The following AATK variants were observed in gnomAD, a reference collection of about 807,000 sequenced individuals.
AATK encodes the protein serine/threonine-protein kinase LMTK1.
In AATK, 91 loss-of-function variants were observed where a neutral mutation model predicts 114.3. The observed-to-expected ratio is 0.80, with a 90% CI of 0.67 to 0.95. The LOEUF is 0.95. AATK is among the 40% of genes least tolerant of loss of function. The pLI is 0.00. For synonymous variants in AATK, 1,075 were observed against 916.5 expected, an observed-to-expected ratio of 1.17 and a Z score of -3.12; for missense variants, 2,176 against 1,965.2, an observed-to-expected ratio of 1.11 and a Z score of -2.03.
At chr17:81,137,419 C>T (rs1245843055) in intron 1 of AATK, among the ~76,000 whole-genome samples, 2 of 152,096 alleles carry the variant, frequency 1.3e-5, no homozygotes, top group African/African-American at 2.4e-5. Context: ...CACAGTCTCT[C>T]GGCCGCAGGC....
At chr17:81,125,666 T>C (rs2060803983) in intron 7 of AATK, among the ~76,000 whole-genome samples, 1 of 152,076 alleles carries the variant, frequency 6.6e-6, no homozygotes, top group Non-Finnish European at 1.5e-5. Flanking sequence ...ACTGGGTAGA[T>C]ATTACCACAG....
At chr17:81,139,825 A>G (rs973115982) in intron 1 of AATK, among the ~76,000 whole-genome samples, 1 of 152,138 alleles carries the variant, frequency 6.6e-6, no homozygotes. Context: ...CCTGCAGTGG[A>G]TACACCGTGA....
At chr17:81,127,753 G>A (rs774110346) in intron 5 of AATK, 39 bp downstream of exon 5, 17 of 1,503,628 alleles carry the variant, frequency 1.1e-5, no homozygotes, top group South Asian at 7.2e-5. Flanking sequence ...AGAGGAGGGG[G>A]CCGCACAGCA....
chr17:81,144,023 G>A (rs1463422148), intron 1 of AATK, among the ~76,000 whole-genome samples: 3 of 151,366 alleles, frequency 2.0e-5, no homozygotes. Context: ...GCAGGGACGG[G>A]TGGCCAGGGT....
chr17:81,138,910 C>T (rs150732412), intron 1 of AATK, among the ~76,000 whole-genome samples: 37 of 151,962 alleles, frequency 2.4e-4, no homozygotes, highest in African/African-American at 8.5e-4. Context: ...ACCACACATG[C>T]GTAGACAGAT....
intron 9 of AATK, among the ~76,000 whole-genome samples, 168 bp downstream of exon 9, chr17:81,124,559 C>T (rs2060768400): frequency 6.6e-6 from 1 of 152,220 alleles, no homozygotes; most frequent in South Asian, 2.1e-4. Flanking sequence ...GTGGTATCTC[C>T]CCCGGTGTGG....
chr17:81,165,924 C>T lies in AATK; in HGVS notation c.55+14G>A, dbSNP rs774305501. On this transcript the variant is annotated intron_variant, in intron 1 of 13. Transcript: ENST00000326724. ...GGAGGCAGCGGCGCGCAGGCCGGGC[C>T]GCCAGGGACTCACCGGGGTCGAAGT... The T allele has an allele frequency of 2.3e-5, 36 of 1,573,874 alleles. No individual in the cohort carries two copies. Among genetic ancestry groups the T allele is most frequent in the Non-Finnish European group, 3.0e-5 (35 of 1,161,464 alleles).
rs964320988 is a variant in AATK at position 81,117,379 on chromosome 17, A to C, written c.*1023T>G. Reference sequence around the variant, plus strand: ...GCGTTCTAAGCCTCAAACAAAACACAAAACAAATCCCCCTGCGAAGCAACA... The same window carrying C: ...GCGTTCTAAGCCTCAAACAAAACACCAAACAAATCCCCCTGCGAAGCAACA... On this transcript the variant is annotated 3_prime_UTR_variant, in exon 14 of 14. Transcript: ENST00000326724. The C allele has an allele frequency of 2.0e-5, 3 of 152,316 alleles. No individual in the cohort carries two copies. Among genetic ancestry groups the C allele is most frequent in the Non-Finnish European group, 4.4e-5 (3 of 68,062 alleles). 9.4% of individuals were successfully genotyped at this position (152,316 alleles called of 1,614,324 possible). A position where few individuals can be genotyped will look rare whatever the true frequency, so the allele number is the denominator to read the frequency against.
At position 81,127,766 on chromosome 17, in the gene AATK, G is replaced by T. The variant is rs202058790; in HGVS notation, c.533+26C>A. 90 of 1,501,646 alleles carry T rather than the reference G, an allele frequency of 6.0e-5. No individual in the cohort carries two copies. The East Asian group carries it at 2.1e-3, about 36-fold the overall frequency. 93.0% of individuals were successfully genotyped at this position (1,501,646 alleles called of 1,614,324 possible). ...GGAGAGGAGGGGGCCGCACAGCACAGGCCTTTGTGCCCGGTGGCCTCCCAC... is the reference window on the plus strand; with the variant it reads ...GGAGAGGAGGGGGCCGCACAGCACATGCCTTTGTGCCCGGTGGCCTCCCAC... On this transcript the variant is annotated intron_variant, in intron 5 of 13. Coordinates refer to ENST00000326724, the MANE Select transcript of AATK (RefSeq NM_001080395.3).
chr17:81,142,106 C>T (rs1045816517), intron 1 of AATK, among the ~76,000 whole-genome samples: 4 of 152,006 alleles, frequency 2.6e-5, no homozygotes, highest in Non-Finnish European at 4.4e-5. Flanking sequence ...CAGGCACCTG[C>T]CACCATCACC....
Position 81,119,962 on chromosome 17 carries a change from G to A in AATK, c.3857C>T (p.Ser1286Phe), listed in dbSNP as rs1473188124. 2 of 1,450,040 alleles carry A rather than the reference G, an allele frequency of 1.4e-6. No homozygotes were observed. The highest frequency in any genetic ancestry group is 1.5e-5 in the African/African-American group (1 of 67,886). The allele number at this position is 1,450,040 out of a possible 1,614,324, so 89.8% of individuals were successfully genotyped here. Reference sequence around the variant, plus strand: ...CTCTTCCGCTGTGGAGCCATTTGGGGAGCCATCAGCCTGCTGCGGCCGGTT... The same window carrying A: ...CTCTTCCGCTGTGGAGCCATTTGGGAAGCCATCAGCCTGCTGCGGCCGGTT... Reference protein sequence around the residue: ...APNRPQQADGSPNGSTAEEGG... With the variant: ...APNRPQQADGFPNGSTAEEGG... The change falls in exon 12 of 14, where the codon TCC becomes TTC. Residue 1286 changes from serine to phenylalanine, a missense_variant. This residue lies in a region of AATK where 1,701 missense variants were observed against 1,394.7 expected (regional missense o/e 1.22). Coordinates refer to ENST00000326724, the MANE Select transcript of AATK (RefSeq NM_001080395.3).
intron 9 of AATK, 105 bp downstream of exon 9, chr17:81,124,622 G>A (rs1340205112): frequency 6.5e-7 from 1 of 1,530,084 alleles, no homozygotes; most frequent in Non-Finnish European, 8.8e-7. Flanking sequence ...ACTACAGGTG[G>A]CTCCGGCAGC....
rs1332043686 is a variant in AATK, at chr17:81,131,093, G to A, written c.302C>T (p.Ser101Phe). ...CCCAGGCTGCTTGGCCATGGGCAAGGAGACCTCCGTGAGTGGCAGGACGTA... is the reference window on the plus strand; with the variant it reads ...CCCAGGCTGCTTGGCCATGGGCAAGAAGACCTCCGTGAGTGGCAGGACGTA... Reference protein sequence around the residue: ...DVYVLPLTEVSLPMAKQPGRS... With the variant: ...DVYVLPLTEVFLPMAKQPGRS... The change falls in exon 3 of 14, where the codon TCC (serine) becomes TTC (phenylalanine). Residue 101 changes from serine to phenylalanine, a missense_variant. Transcript: ENST00000326724. 5.1e-6 allele frequency: 8 copies of A among 1,556,816 alleles called. No homozygotes were observed. Among genetic ancestry groups the A allele is most frequent in the Non-Finnish European group, 7.0e-6 (8 of 1,150,724 alleles).
rs781739918 is a variant in AATK at position 81,122,724 on chromosome 17, G to C, written c.1212C>G (p.Thr404=). The C allele has an allele frequency of 6.3e-7, 1 of 1,592,048 alleles. No individual in the cohort carries two copies. The change falls in exon 11 of 14, where the codon ACC becomes ACG. Residue 404 remains threonine, a synonymous_variant. Transcript: ENST00000326724. ...GCCGTTCAAACTCCTCCTCTGCTTC[G>C]GTGGCGCCCTTGGCACACAGGTAGG... ...LLSYLCAKGA[T]EAEEEFERRW... is the part of the protein sequence containing the mutation.
At chr17:81,159,698 C>T (rs12451203) in intron 1 of AATK, among the ~76,000 whole-genome samples, 16,235 of 151,910 alleles carry the variant, frequency 0.11, 1,072 homozygotes, top group African/African-American at 0.17. Context: ...ACCAGGGCCT[C>T]GTCGGAGGAT....
chr17:81,126,370 T>C lies in AATK; in HGVS notation c.755+57A>G. 2.6e-6 allele frequency: 4 copies of C among 1,517,494 alleles called. 1 individual carries two copies. In the South Asian group the frequency reaches 3.7e-5, roughly 14 times the overall value. 94.0% of individuals were successfully genotyped at this position (1,517,494 alleles called of 1,614,324 possible). A position where few individuals can be genotyped will look rare whatever the true frequency, so the allele number is the denominator to read the frequency against. ...GGCAGGACCCGCCCTATGCCCTTCC[T>C]TCAGGGGAGGGGCCTGGCCTAGGGC... On this transcript the variant is annotated intron_variant, in intron 7 of 13. Transcript: ENST00000326724. The surrounding 1 kb of genome is among the most constrained non-coding windows in gnomAD (Gnocchi z 5.1).
chr17:81,158,971 G>A (rs930598882), intron 1 of AATK, among the ~76,000 whole-genome samples: 2 of 152,208 alleles, frequency 1.3e-5, no homozygotes, highest in Admixed American at 1.3e-4. Context: ...AGGGCCCAAA[G>A]AGGACAAGGC....
At chr17:81,140,511 G>A (rs1191782111) in intron 1 of AATK, among the ~76,000 whole-genome samples, 1 of 152,276 alleles carries the variant, frequency 6.6e-6, no homozygotes, top group Non-Finnish European at 1.5e-5. Context: ...GAGCTTTGCA[G>A]GCGGGATTTA....
In AATK at chr17:81,122,489, C is replaced by G. The variant is rs758534588; in HGVS notation, c.1447G>C (p.Ala483Pro). 47 of 1,461,122 alleles carry G rather than the reference C, an allele frequency of 3.2e-5. 1 individual carries two copies. In the South Asian group the frequency reaches 5.7e-4, roughly 18 times the overall value. The allele number at this position is 1,461,122 out of a possible 1,614,324, so 90.5% of individuals were successfully genotyped here. A position where few individuals can be genotyped will look rare whatever the true frequency, so the allele number is the denominator to read the frequency against. ...GGGAAGGCCTCCGCGCCGCGGCCCG[C>G]CTCCCACTTGTACTCAAAATTGAGG... ...RGLNFEYKWE[A>P]GRGAEAFPAT... is the part of the protein sequence containing the mutation. The change falls in exon 11 of 14, where the codon GCG becomes CCG. Residue 483 changes from alanine (A) to proline (P), a missense_variant. Transcript: ENST00000326724.
Sources: gnomAD v4.1 joint callset for allele counts (sites outside exome capture counted in the v4.1 genomes callset) on GRCh38, gnomAD v4.1.1 for gene constraint, gnomAD v4.1.1 regional missense constraint, Gnocchi (gnomAD v3.1) non-coding constraint, MANE v1.5 for transcripts, NCBI Gene and HGNC (gene_info 2026-07-23, HGNC 2026-07-21) for gene names.